Variants in TAF5 observed in about 807,000 individuals in gnomAD.
TAF5 encodes the protein TATA-box binding protein associated factor 5.
A neutral mutation model predicts 80.9 loss-of-function variants in TAF5; 20 were observed. The ratio of observed to expected loss-of-function variants is 0.25; its 90% CI spans 0.17 to 0.36. The LOEUF is 0.36. TAF5 is among the 10% of genes least tolerant of loss of function. The pLI is 1.00. For synonymous variants in TAF5, 388 were observed against 406.4 expected, an observed-to-expected ratio of 0.95 and a Z score of 0.55; for missense variants, 863 against 1,029.4, an observed-to-expected ratio of 0.84 and a Z score of 2.21.
chr10:103,375,161 T>G (rs1242030670), intron 2 of TAF5, among the ~76,000 whole-genome samples: 1 of 151,836 alleles, frequency 6.6e-6, no homozygotes, highest in Non-Finnish European at 1.5e-5. Flanking sequence ...GGAGGCATTT[T>G]TGGTTGTCAT....
At position 103,370,897 on chromosome 10, in the gene TAF5, A is replaced by G. The variant is rs562394517; in HGVS notation, c.559+2349A>G. The stretch of plus-strand genomic sequence containing the variant: ...ATTGCCAGAAATGAAGTATTCATAC[A>G]TAGCATTGTATTCATACCTCATTGT... On this transcript the variant is annotated intron_variant, in intron 1 of 10. Transcript: ENST00000369839. Among the ~76,000 whole-genome samples the G allele has an allele frequency of 1.5e-3, 228 of 152,344 alleles. No individual in the cohort carries two copies. In the Middle Eastern group the frequency reaches 0.017, roughly 11 times the overall value.
Position 103,373,509 on chromosome 10 carries a change from C to T in TAF5, c.711C>T (p.Ser237=), listed in dbSNP as rs1335515558. Reference sequence around the variant, plus strand: ...TGGACTGCCATCGGGCAGAGTTGTCCCAACTTTTTTATCCTCTGTTTGTGC... The same window carrying T: ...TGGACTGCCATCGGGCAGAGTTGTCTCAACTTTTTTATCCTCTGTTTGTGC... ...CSLDCHRAEL[S]QLFYPLFVHM... The change falls in exon 2 of 11, where the codon TCC becomes TCT. Residue 237 remains serine, a synonymous_variant. Transcript: ENST00000369839. 1.9e-6 allele frequency: 3 copies of T among 1,613,974 alleles called. No individual in the cohort carries two copies. The highest frequency in any genetic ancestry group is 1.3e-5 in the African/African-American group (1 of 74,908).
intron 5 of TAF5, among the ~76,000 whole-genome samples, chr10:103,381,155 ACCAGGCTGG>A (rs1422588173): frequency 6.7e-6 from 1 of 149,530 alleles, no homozygotes; most frequent in East Asian, 2.0e-4. Flanking sequence ...CACCAGGTTG[ACCAGGCTGG>A]ACTTGAATTC....
rs2093375122 is a variant in TAF5 at position 103,378,678 on chromosome 10, A to G, written c.1113+128A>G. ...ATTTTTTTCGTTTGTTTGTTTTGAGACGGAGTTTTGCTCTTGTCACCCAAG... is the reference window on the plus strand; with the variant it reads ...ATTTTTTTCGTTTGTTTGTTTTGAGGCGGAGTTTTGCTCTTGTCACCCAAG... On this transcript the variant is annotated intron_variant, in intron 3 of 10. Transcript: ENST00000369839. The surrounding 1 kb of genome is among the most constrained non-coding windows in gnomAD (Gnocchi z 4.1). The G allele has an allele frequency of 1.3e-5, 15 of 1,153,226 alleles. No individual in the cohort carries two copies. The South Asian group carries it at 2.4e-4, about 19-fold the overall frequency. The allele number at this position is 1,153,226 out of a possible 1,614,324, so 71.4% of individuals were successfully genotyped here.
rs2093349473 is a variant in TAF5 at position 103,368,156 on chromosome 10, C to A, written c.167C>A (p.Ser56Tyr). 3 of 1,396,198 alleles carry A rather than the reference C, an allele frequency of 2.1e-6. No homozygotes were observed. In the South Asian group the frequency reaches 4.7e-5, roughly 22 times the overall value. The allele number at this position is 1,396,198 out of a possible 1,614,324, so 86.5% of individuals were successfully genotyped here. Reference protein sequence around the residue: ...GGGGNVAASSSTGGDGGTPKP... With the variant: ...GGGGNVAASSYTGGDGGTPKP... ...GGCGGGAACGTTGCGGCGTCGTCGT[C>A]CACTGGCGGGGATGGCGGGACCCCC... Residue 56 changes from serine to tyrosine, a missense_variant, in exon 1 of 11, where the codon TCC becomes TAC. Coordinates refer to ENST00000369839, the MANE Select transcript of TAF5 (RefSeq NM_006951.5).
chr10:103,387,753 TGAC>T (rs1408382106), intron 10 of TAF5, 55 bp downstream of exon 10: 6 of 1,524,538 alleles, frequency 3.9e-6, no homozygotes, highest in Non-Finnish European at 5.3e-6. Context: ...GAAACAGTGT[TGAC>T]GACTGCAATA....
chr10:103,381,095 T>C (rs2093381785), intron 5 of TAF5, among the ~76,000 whole-genome samples: 1 of 150,870 alleles, frequency 6.6e-6, no homozygotes, highest in African/African-American at 2.4e-5. Context: ...ATTATAGGCA[T>C]GAGCCACCAC....
chr10:103,383,162 C>T, intron 6 of TAF5, 76 bp from the exon 7 acceptor site: 2 of 1,357,062 alleles, frequency 1.5e-6, no homozygotes, highest in East Asian at 2.5e-5. Flanking sequence ...AATTCCTCTC[C>T]TGCACTGTGA....
rs746105063 is a variant in TAF5, at chr10:103,380,038, C to T, written c.1413+19C>T. 8 of 1,605,894 alleles carry T rather than the reference C, an allele frequency of 5.0e-6. No individual in the cohort carries two copies. Among genetic ancestry groups the T allele is most frequent in the Non-Finnish European group, 6.8e-6 (8 of 1,176,636 alleles). On this transcript the variant is annotated intron_variant, in intron 5 of 10. Transcript: ENST00000369839. The stretch of plus-strand genomic sequence containing the variant: ...TTACCAGGTTGGTAAAAAAATTGGG[C>T]GATTTCTGCCTGGAGAGTCATGTAG...
intron 7 of TAF5, among the ~76,000 whole-genome samples, chr10:103,384,853 G>T (rs780248420): frequency 5.3e-5 from 8 of 151,210 alleles, no homozygotes; most frequent in East Asian, 1.9e-4. Context: ...CATGTCTGTA[G>T]TTTTTTTTTC....
At chr10:103,380,371 G>A (rs967342745) in intron 5 of TAF5, among the ~76,000 whole-genome samples, 13 of 151,976 alleles carry the variant, frequency 8.6e-5, no homozygotes, top group Non-Finnish European at 1.5e-4. Context: ...CTTGTGATCC[G>A]CCTGCCTCAG....
chr10:103,385,269 G>A, intron 7 of TAF5, 57 bp from the exon 8 acceptor site: 1 of 1,416,238 alleles, frequency 7.1e-7, no homozygotes, highest in South Asian at 1.3e-5. Context: ...ATATAAAACT[G>A]GGCAGGTGAC....
rs1250303284 is a variant in TAF5 at position 103,374,037 on chromosome 10, A to G, written c.797+442A>G. Among the ~76,000 whole-genome samples, 3 of 151,698 alleles carry G rather than the reference A, an allele frequency of 2.0e-5. No individual in the cohort carries two copies. The highest frequency in any genetic ancestry group is 4.4e-5 in the Non-Finnish European group (3 of 67,968). On this transcript the variant is annotated intron_variant, in intron 2 of 10. Coordinates refer to ENST00000369839, the MANE Select transcript of TAF5 (RefSeq NM_006951.5). The surrounding 1 kb of genome is among the most constrained non-coding windows in gnomAD (Gnocchi z 4.3). ...TTCTATTGTTAAAGTGAAGGCATTGAAAAAAAAGGATAGGCAGGTTTTTGG... is the reference window on the plus strand; with the variant it reads ...TTCTATTGTTAAAGTGAAGGCATTGGAAAAAAAGGATAGGCAGGTTTTTGG...
chr10:103,376,507 A>T (rs2093370346), intron 2 of TAF5, among the ~76,000 whole-genome samples: 1 of 152,042 alleles, frequency 6.6e-6, no homozygotes, highest in Non-Finnish European at 1.5e-5. Context: ...CTATGCCATT[A>T]TAGTAAATTC....
chr10:103,369,399 C>T (rs1163138420), intron 1 of TAF5, among the ~76,000 whole-genome samples: 2 of 151,458 alleles, frequency 1.3e-5, no homozygotes, highest in Admixed American at 1.3e-4. Flanking sequence ...TGCTCTGTCG[C>T]CCAGGCTGGA....
intron 8 of TAF5, among the ~76,000 whole-genome samples, chr10:103,386,724 C>T (rs2093397212): frequency 1.4e-5 from 2 of 147,758 alleles, no homozygotes; most frequent in Admixed American, 6.9e-5. Flanking sequence ...AGTGCAGTGT[C>T]GCCATCTCGG....
At chr10:103,373,622 A>G (rs759404120) in intron 2 of TAF5, 27 bp downstream of exon 2, 1 of 1,518,716 alleles carries the variant, frequency 6.6e-7, no homozygotes, top group Middle Eastern at 1.7e-4. Flanking sequence ...ATATATATAT[A>G]TACACACATA....
chr10:103,371,887 C>T (rs542515387), intron 1 of TAF5, among the ~76,000 whole-genome samples: 12 of 151,368 alleles, frequency 7.9e-5, no homozygotes, highest in Non-Finnish European at 1.2e-4. Flanking sequence ...ATCTTTTATA[C>T]AATTTGTCTT....
chr10:103,380,041 T>C, intron 5 of TAF5, 22 bp downstream of exon 5: 1 of 1,607,740 alleles, frequency 6.2e-7, no homozygotes, highest in Non-Finnish European at 8.5e-7. Context: ...AATTGGGCGA[T>C]TTCTGCCTGG....
Sources: allele counts gnomAD v4.1 joint callset (sites outside exome capture counted in the v4.1 genomes callset), GRCh38; gene constraint gnomAD v4.1.1; non-coding constraint Gnocchi (gnomAD v3.1); transcripts MANE v1.5; gene names NCBI Gene and HGNC (gene_info 2026-07-23, HGNC 2026-07-21).